The following SLC35F3 variants were observed in gnomAD, a reference collection of about 807,000 sequenced individuals.
The protein encoded by SLC35F3 is putative thiamine transporter SLC35F3.
A neutral mutation model predicts 49.9 loss-of-function variants in SLC35F3; 25 were observed. The ratio of observed to expected loss-of-function variants is 0.50; its 90% CI spans 0.37 to 0.70. SLC35F3 has a LOEUF of 0.70. SLC35F3 is among the 30% of genes least tolerant of loss of function. SLC35F3 has a pLI of 0.00. For synonymous variants in SLC35F3, 275 were observed against 265.4 expected, an observed-to-expected ratio of 1.04 and a Z score of -0.35; for missense variants, 525 against 639.8, an observed-to-expected ratio of 0.82 and a Z score of 1.94.
chr1:233,919,325 G>T (rs1305879152), intron 2 of SLC35F3, among the ~76,000 whole-genome samples: 1 of 152,204 alleles, frequency 6.6e-6, no homozygotes, highest in Non-Finnish European at 1.5e-5. Flanking sequence ...AGATAGAACT[G>T]TGCCTAGGAC....
intron 2 of SLC35F3, among the ~76,000 whole-genome samples, chr1:234,079,055 C>T (rs913375927): frequency 2.0e-5 from 3 of 152,220 alleles, no homozygotes; most frequent in Admixed American, 2.0e-4. Context: ...AAGACTTGCA[C>T]TTTCCAATTT....
intron 2 of SLC35F3, among the ~76,000 whole-genome samples, chr1:234,041,199 C>G (rs1048564667): frequency 6.6e-6 from 1 of 152,174 alleles, no homozygotes; most frequent in Non-Finnish European, 1.5e-5. Flanking sequence ...TAAATACCCT[C>G]AAATTCTCAA....
chr1:234,038,942 A>T (rs1210092740), intron 2 of SLC35F3, among the ~76,000 whole-genome samples: 7 of 152,218 alleles, frequency 4.6e-5, no homozygotes, highest in Admixed American at 2.6e-4. Context: ...TCCTGAGATG[A>T]GGAAGATTAA....
chr1:234,298,658 T>C (rs1315670154), intron 3 of SLC35F3, among the ~76,000 whole-genome samples: 3 of 151,666 alleles, frequency 2.0e-5, no homozygotes, highest in Non-Finnish European at 4.4e-5. Flanking sequence ...CATCTCTAGA[T>C]TGGGGCCCAG....
chr1:233,946,785 A>G (rs1029290014), intron 2 of SLC35F3, among the ~76,000 whole-genome samples: 1 of 152,224 alleles, frequency 6.6e-6, no homozygotes. Context: ...GTGCAAGTTC[A>G]TGTGTAAATG....
intron 2 of SLC35F3, among the ~76,000 whole-genome samples, chr1:234,121,550 A>C (rs756531327): frequency 5.3e-5 from 8 of 152,096 alleles, no homozygotes; most frequent in Non-Finnish European, 1.0e-4. Flanking sequence ...ATAATTAAAG[A>C]AGCTTTTTTT....
intron 2 of SLC35F3, among the ~76,000 whole-genome samples, chr1:234,196,819 G>A (rs1054776437): frequency 6.6e-6 from 1 of 152,206 alleles, no homozygotes; most frequent in African/African-American, 2.4e-5. Context: ...GCACATGCCT[G>A]TAATCCCAGC....
intron 2 of SLC35F3, among the ~76,000 whole-genome samples, chr1:233,955,000 C>A (rs188201956): frequency 1.3e-5 from 2 of 152,094 alleles, no homozygotes. Context: ...CACACCACCA[C>A]GCCCGGCTAA....
At chr1:234,099,190 C>T (rs1038908491) in intron 2 of SLC35F3, among the ~76,000 whole-genome samples, 3 of 152,074 alleles carry the variant, frequency 2.0e-5, no homozygotes, top group African/African-American at 7.2e-5. Flanking sequence ...CTGTTATTGG[C>T]GTGCTGAAAC....
intron 3 of SLC35F3, among the ~76,000 whole-genome samples, chr1:234,273,364 C>T (rs1668140484): frequency 6.6e-6 from 1 of 152,190 alleles, no homozygotes; most frequent in East Asian, 1.9e-4. Flanking sequence ...GTGAGTGGTA[C>T]AGGGGATGCA....
chr1:234,031,018 A>G (rs539622092), intron 2 of SLC35F3, among the ~76,000 whole-genome samples: 1 of 152,298 alleles, frequency 6.6e-6, no homozygotes, highest in East Asian at 1.9e-4. Flanking sequence ...TGTTACCATC[A>G]TTCATGTCAG....
chr1:234,108,045 A>C (rs1160387129), intron 2 of SLC35F3, among the ~76,000 whole-genome samples: 6 of 151,284 alleles, frequency 4.0e-5, no homozygotes, highest in Non-Finnish European at 8.8e-5. Flanking sequence ...TAAGCCCCCT[A>C]AGGAAAAAAA....
intron 3 of SLC35F3, among the ~76,000 whole-genome samples, chr1:234,269,446 G>A (rs1572126278): frequency 6.6e-6 from 1 of 152,172 alleles, no homozygotes; most frequent in Non-Finnish European, 1.5e-5. Flanking sequence ...GTTGACAAAA[G>A]TACCTATTTT....
At chr1:233,978,103 G>T (rs1663119916) in intron 2 of SLC35F3, among the ~76,000 whole-genome samples, 1 of 152,204 alleles carries the variant, frequency 6.6e-6, no homozygotes, top group Non-Finnish European at 1.5e-5. Flanking sequence ...CTCTGGGGAA[G>T]TTGATTGAGG....
intron 3 of SLC35F3, among the ~76,000 whole-genome samples, chr1:234,244,384 A>G (rs1295497420): frequency 6.6e-6 from 1 of 152,112 alleles, no homozygotes; most frequent in African/African-American, 2.4e-5. Context: ...GGTTGGGGGA[A>G]GGAAGAAACT....
chr1:234,091,503 G>A (rs1665043985), intron 2 of SLC35F3, among the ~76,000 whole-genome samples: 1 of 152,216 alleles, frequency 6.6e-6, no homozygotes, highest in Non-Finnish European at 1.5e-5. Context: ...AGGGTGGAAA[G>A]TCTGTTCATG....
At chr1:234,037,156 T>C (rs1355979919) in intron 2 of SLC35F3, among the ~76,000 whole-genome samples, 1 of 152,188 alleles carries the variant, frequency 6.6e-6, no homozygotes, top group Non-Finnish European at 1.5e-5. Context: ...GTACATAAAA[T>C]GAGGCATAGT....
chr1:233,959,094 T>C (rs535707788), intron 2 of SLC35F3, among the ~76,000 whole-genome samples: 5 of 152,346 alleles, frequency 3.3e-5, no homozygotes, highest in African/African-American at 7.2e-5. Context: ...GTAATACATA[T>C]TTTAATCGCT....
At chr1:234,017,714 A>AG (rs1174714575) in intron 2 of SLC35F3, among the ~76,000 whole-genome samples, 12 of 97,632 alleles carry the variant, frequency 1.2e-4, no homozygotes, top group African/African-American at 3.0e-4. Flanking sequence ...ACTTTGTCTC[A>AG]GAAAAAAAAA....
Sources: gnomAD v4.1 joint callset for allele counts (sites outside exome capture counted in the v4.1 genomes callset) on GRCh38, gnomAD v4.1.1 for gene constraint, MANE v1.5 for transcripts, NCBI Gene and HGNC (gene_info 2026-07-23, HGNC 2026-07-21) for gene names.